ZNF423: variants seen among roughly 807,000 people sequenced by gnomAD.
The protein encoded by ZNF423 is Ebf-associated zinc finger protein.
ZNF423 carries 12 observed loss-of-function variants against 95.8 expected under a neutral mutation model. That is an observed-to-expected ratio of 0.13 (90% CI 0.08 to 0.20). ZNF423 has a LOEUF of 0.20. Ranked by LOEUF, ZNF423 falls within the 10% of genes least tolerant of loss-of-function variation. The pLI is 1.00. For synonymous variants in ZNF423, 749 were observed against 711.9 expected (o/e 1.05, Z -0.83); for missense variants, 1,316 against 1,737.1 (o/e 0.76, Z 4.31).
intron 5 of ZNF423, among the ~76,000 whole-genome samples, chr16:49,527,434 C>G (rs1968658674): frequency 1.3e-5 from 2 of 152,180 alleles, no homozygotes; most frequent in African/African-American, 4.8e-5. Context: ...TTAGAGATGG[C>G]CTCCAGTGTG....
At chr16:49,657,814 A>G (rs1265501057) in intron 3 of ZNF423, among the ~76,000 whole-genome samples, 4 of 152,186 alleles carry the variant, frequency 2.6e-5, no homozygotes, top group African/African-American at 7.2e-5. Flanking sequence ...TCCCTGCAAC[A>G]CTGACTAAGG....
At chr16:49,704,216 G>A (rs540267821) in intron 3 of ZNF423, among the ~76,000 whole-genome samples, 1 of 152,180 alleles carries the variant, frequency 6.6e-6, no homozygotes, top group African/African-American at 2.4e-5. Context: ...AACTGAAAAG[G>A]AGAAGGGAAG....
chr16:49,780,742 T>C (rs1266168485), intron 2 of ZNF423: 1 of 152,280 alleles, frequency 6.6e-6, no homozygotes, highest in African/African-American at 2.4e-5. Flanking sequence ...CTACCCAGCC[T>C]GCCTGGCTCC....
At chr16:49,511,169 C>T (rs542529104) in intron 7 of ZNF423, among the ~76,000 whole-genome samples, 4 of 152,350 alleles carry the variant, frequency 2.6e-5, no homozygotes, top group African/African-American at 4.8e-5. Flanking sequence ...CTCCGGTGCC[C>T]GCTCCTCACT....
chr16:49,546,624 CATAGTG>C (rs1969453507), intron 5 of ZNF423, among the ~76,000 whole-genome samples: 1 of 152,218 alleles, frequency 6.6e-6, no homozygotes, highest in Admixed American at 6.5e-5. Flanking sequence ...AGGAGGCACT[CATAGTG>C]AGCGCGCACA....
intron 1 of ZNF423, among the ~76,000 whole-genome samples, chr16:49,838,867 C>G (rs1597054267): frequency 6.6e-6 from 1 of 151,776 alleles, no homozygotes; most frequent in Non-Finnish European, 1.5e-5. Context: ...CCCTCCCGCG[C>G]GGGGGGCGGC....
intron 7 of ZNF423, among the ~76,000 whole-genome samples, chr16:49,504,144 G>C (rs1039374052): frequency 1.3e-5 from 2 of 152,176 alleles, no homozygotes; most frequent in African/African-American, 2.4e-5. Flanking sequence ...GTTTCAGATG[G>C]GAAAGATGAA....
chr16:49,799,975 C>T (rs778874008), intron 1 of ZNF423, among the ~76,000 whole-genome samples: 4 of 152,062 alleles, frequency 2.6e-5, no homozygotes, highest in Non-Finnish European at 5.9e-5. Flanking sequence ...TTTTTCTGGC[C>T]AAGCGTGGGA....
rs1444542204 is a variant in ZNF423, at chr16:49,636,824, G to A, written c.2352C>T (p.Asn784=). ...AGATGCACTTGTGAGCCTTGGCCGG[G>A]TTGCCCAGGTGGCTGTGTTTGACGT... ...QVHVKHSHLG[N]PAKAHKCIFC... Residue 784 remains asparagine (N), a synonymous_variant, in exon 4 of 8, where the codon AAC becomes AAT. Transcript: ENST00000563137. The surrounding 1 kb of genome is among the most constrained non-coding windows in gnomAD (Gnocchi z 8.6). 5.6e-6 allele frequency: 9 copies of A among 1,613,994 alleles called. No homozygotes were observed. In the African/African-American group the frequency reaches 1.2e-4, roughly 22 times the overall value.
intron 1 of ZNF423, among the ~76,000 whole-genome samples, chr16:49,845,064 C>A (rs1046555380): frequency 0.049 from 3,498 of 71,520 alleles, 4 homozygotes; most frequent in African/African-American, 0.064. Flanking sequence ...AAAAAAAAAA[C>A]AAATCTTTTA....
chr16:49,488,575 C>T lies in ZNF423; in HGVS notation c.*2700G>A, dbSNP rs1016032511. Reference sequence around the variant, plus strand: ...GAAAAGGTGCCCTCCTGCAGGATGCCTGGCACCATCATTGATGACCATGCT... The same window carrying T: ...GAAAAGGTGCCCTCCTGCAGGATGCTTGGCACCATCATTGATGACCATGCT... On this transcript the variant is annotated 3_prime_UTR_variant, in exon 8 of 8. Transcript: ENST00000563137. 1 of 152,162 alleles carries T rather than the reference C, an allele frequency of 6.6e-6. No individual in the cohort carries two copies. Among genetic ancestry groups the T allele is most frequent in the Non-Finnish European group, 1.5e-5 (1 of 68,014 alleles). 9.4% of individuals were successfully genotyped at this position (152,162 alleles called of 1,614,324 possible).
At position 49,638,281 on chromosome 16, in the gene ZNF423, C is replaced by G; in HGVS notation, c.895G>C (p.Glu299Gln). 4 of 1,613,476 alleles carry G rather than the reference C, an allele frequency of 2.5e-6. No homozygotes were observed. ...HVLTRHPQLSEKADLQCIHCP... is the reference protein window; with the variant it reads ...HVLTRHPQLSQKADLQCIHCP... ...TGAATGCACTGCAGGTCCGCCTTCT[C>G]GGACAGCTGCGGGTGGCGGGTGAGC... The change falls in exon 4 of 8, where the codon GAG becomes CAG. Residue 299 changes from glutamate to glutamine, a missense_variant. Around this residue, in one of 6 missense-constraint regions of ZNF423, gnomAD observed 399 missense variants for 478.5 expected, o/e 0.83. Transcript: ENST00000563137. This position sits in a 1 kb window ranked among gnomAD's most constrained non-coding sequence, Gnocchi z 5.6.
chr16:49,837,605 C>T (rs996442150), intron 1 of ZNF423, among the ~76,000 whole-genome samples: 1 of 152,230 alleles, frequency 6.6e-6, no homozygotes, highest in Non-Finnish European at 1.5e-5. Context: ...CCTCTTCCTT[C>T]ATCCCTGCTC....
intron 2 of ZNF423, among the ~76,000 whole-genome samples, chr16:49,744,777 G>C (rs1018335244): frequency 1.3e-5 from 2 of 152,152 alleles, no homozygotes; most frequent in Non-Finnish European, 2.9e-5. Flanking sequence ...GCCTCTGCCT[G>C]ATGGCCAATA....
chr16:49,856,918 G>GGCC (rs1706371099), upstream of ZNF423, among the ~76,000 whole-genome samples: 1 of 15,154 alleles, frequency 6.6e-5, no homozygotes, highest in South Asian at 2.2e-3. Flanking sequence ...AGGACGAGCA[G>GGCC]GCGGCGGCGG....
Position 49,807,043 on chromosome 16 carries a change from G to T in ZNF423, c.41-17497C>A, listed in dbSNP as rs573565404. 4.1e-3 allele frequency among the ~76,000 whole-genome samples: 603 copies of T among 146,490 alleles called. 4 individuals carry two copies. The highest frequency in any genetic ancestry group is 7.0e-3 in the Non-Finnish European group (468 of 66,490). ...CTCTGACTCCAAAAAAAAAAAAAAA[G>T]TGCACAGCATAAAATGTACCATTTT... On this transcript the variant is annotated intron_variant, in intron 1 of 7. Coordinates refer to ENST00000563137, the MANE Select transcript of ZNF423 (RefSeq NM_001379286.1).
chr16:49,813,088 G>A (rs1270742254), intron 1 of ZNF423, among the ~76,000 whole-genome samples: 1 of 152,106 alleles, frequency 6.6e-6, no homozygotes, highest in African/African-American at 2.4e-5. Flanking sequence ...CCTAGTTGTA[G>A]CCCTACTAGG....
chr16:49,577,282 C>CT (rs2151796554), intron 5 of ZNF423, among the ~76,000 whole-genome samples: 1 of 152,350 alleles, frequency 6.6e-6, no homozygotes, highest in Non-Finnish European at 1.5e-5. Context: ...CATGTCAACA[C>CT]TGATCTATGC....
intron 5 of ZNF423, among the ~76,000 whole-genome samples, chr16:49,576,293 G>A (rs900246971): frequency 6.6e-6 from 1 of 152,202 alleles, no homozygotes; most frequent in Non-Finnish European, 1.5e-5. Flanking sequence ...TGACTGGGGT[G>A]CCTGGCCAGC....
Sources: gnomAD v4.1 joint callset for allele counts (sites outside exome capture counted in the v4.1 genomes callset) on GRCh38, gnomAD v4.1.1 for gene constraint, gnomAD v4.1.1 regional missense constraint, Gnocchi (gnomAD v3.1) non-coding constraint, MANE v1.5 for transcripts, NCBI Gene and HGNC (gene_info 2026-07-23, HGNC 2026-07-21) for gene names.